RABGAP1L: variants seen among roughly 807,000 people sequenced by gnomAD.
The protein encoded by RABGAP1L is rab GTPase-activating protein 1-like.
A neutral mutation model predicts 137.7 loss-of-function variants in RABGAP1L; 63 were observed. That is an observed-to-expected ratio of 0.46 (90% CI 0.37 to 0.56). RABGAP1L has a LOEUF of 0.56. Among genes scored for constraint, RABGAP1L ranks in the 20% least tolerant of loss-of-function variants. The pLI is 0.00. For missense variants in RABGAP1L, 1,095 were observed against 1,244.0 expected (o/e 0.88, Z 1.80); for synonymous variants, 431 against 433.7 (o/e 0.99, Z 0.08).
rs1553324953 is a variant in RABGAP1L at position 174,534,802 on chromosome 1, A to AAAAAAAAAAT, written c.1711-102571_1711-102570insAAAAAAATAA. Among the ~76,000 whole-genome samples, 20 of 137,308 alleles carry AAAAAAAAAAT rather than the reference A, an allele frequency of 1.5e-4. 1 individual carries two copies. The highest frequency in any genetic ancestry group is 4.5e-4 in the South Asian group (2 of 4,446). The allele number at this position is 137,308 out of a possible 152,430, so 90.1% of individuals were successfully genotyped here. ...AAAAAAAAAAAAAAAAAAAAAAAAAAAATAATTAGAATAGTATGCCAGTAT... is the reference window on the plus strand; with the variant it reads ...AAAAAAAAAAAAAAAAAAAAAAAAAAAAAAAAAAATAATAATTAGAATAGTATGCCAGTAT... On this transcript the variant is annotated intron_variant, in intron 13 of 25. Coordinates refer to ENST00000681986, the MANE Select transcript of RABGAP1L (RefSeq NM_001366446.1).
chr1:174,876,943 C>T (rs1653212389), intron 19 of RABGAP1L, among the ~76,000 whole-genome samples: 1 of 151,300 alleles, frequency 6.6e-6, no homozygotes, highest in Admixed American at 6.6e-5. Context: ...TCTTTAAATT[C>T]TGAGAAATTA....
At chr1:174,350,189 A>ACC (rs1156878544) in intron 11 of RABGAP1L, among the ~76,000 whole-genome samples, 21 of 68,520 alleles carry the variant, frequency 3.1e-4, no homozygotes, top group Non-Finnish European at 5.6e-4. Context: ...CGGGGGGCTG[A>ACC]CCCCCCCCCC....
rs1160659289 is a variant in RABGAP1L at position 174,886,231 on chromosome 1, C to T, written c.2341-71226C>T. ...TTCTCCCTGTTGGTCAGGCTGGTCT[C>T]GACCTCCCGATCTTAGGTGGTCTTC... is the stretch of plus-strand genomic sequence containing the variant. On this transcript the variant is annotated intron_variant, in intron 19 of 25. Transcript: ENST00000681986. Among the ~76,000 whole-genome samples, 6 of 152,042 alleles carry T rather than the reference C, an allele frequency of 3.9e-5. No homozygotes were observed. The South Asian group carries it at 6.3e-4, about 16-fold the overall frequency.
At chr1:174,245,709 C>T (rs1409923345) in intron 5 of RABGAP1L, 3 of 151,722 alleles carry the variant, frequency 2.0e-5, no homozygotes, top group African/African-American at 7.3e-5. Flanking sequence ...GATCTCGGCT[C>T]ACTATGATCT....
chr1:174,256,649 C>T lies in RABGAP1L; in HGVS notation c.986+4059C>T, dbSNP rs546056582. 5.9e-5 allele frequency among the ~76,000 whole-genome samples: 9 copies of T among 152,150 alleles called. No homozygotes were observed. In the East Asian group the frequency reaches 1.2e-3, roughly 20 times the overall value. On this transcript the variant is annotated intron_variant, in intron 7 of 25. Transcript: ENST00000681986. ...TATAAAAATTAGCTGGGCGTGGTGG[C>T]GGGTGCCAGTGGTCCCAGCTACTTG...
intron 11 of RABGAP1L, among the ~76,000 whole-genome samples, chr1:174,336,897 GAA>G (rs1491176100): frequency 1.5e-4 from 19 of 124,742 alleles, no homozygotes; most frequent in East Asian, 4.6e-4. Context: ...GAGAGAGAGA[GAA>G]AGAGAGAGAA....
intron 19 of RABGAP1L, among the ~76,000 whole-genome samples, chr1:174,891,701 C>T (rs1347174634): frequency 1.3e-5 from 2 of 152,022 alleles, no homozygotes; most frequent in African/African-American, 2.4e-5. Flanking sequence ...GATAGGGTCT[C>T]GCTATGTTGC....
chr1:174,393,257 G>T (rs1647378867), intron 12 of RABGAP1L, among the ~76,000 whole-genome samples: 1 of 152,162 alleles, frequency 6.6e-6, no homozygotes, highest in South Asian at 2.1e-4. Context: ...ACTTGCTGTT[G>T]TAACAAGTCA....
chr1:174,816,541 T>G (rs539867924), intron 19 of RABGAP1L, among the ~76,000 whole-genome samples: 1 of 152,232 alleles, frequency 6.6e-6, no homozygotes, highest in East Asian at 1.9e-4. Context: ...TCAATACCAT[T>G]TATATTGTAT....
chr1:174,682,126 T>C (rs914090318), intron 14 of RABGAP1L, among the ~76,000 whole-genome samples: 9 of 151,844 alleles, frequency 5.9e-5, no homozygotes, highest in African/African-American at 2.2e-4. Context: ...ACTAAAACTA[T>C]GAAAATTAGC....
At chr1:174,727,733 T>C (rs939433815) in intron 17 of RABGAP1L, among the ~76,000 whole-genome samples, 4 of 152,236 alleles carry the variant, frequency 2.6e-5, no homozygotes, top group African/African-American at 9.6e-5. Context: ...ATATGCTGAT[T>C]AGCCTGATTT....
intron 15 of RABGAP1L, among the ~76,000 whole-genome samples, chr1:174,686,807 A>G (rs950550857): frequency 2.0e-5 from 3 of 151,332 alleles, no homozygotes; most frequent in Non-Finnish European, 2.9e-5. Context: ...AGGCACACGT[A>G]TCACCATGCC....
chr1:174,843,666 T>G (rs1358080460), intron 19 of RABGAP1L, among the ~76,000 whole-genome samples: 1 of 72,692 alleles, frequency 1.4e-5, no homozygotes, highest in Non-Finnish European at 2.6e-5. Flanking sequence ...TTTGCTATTG[T>G]GAATAATGCC....
At chr1:174,552,854 C>T (rs1013538729) in intron 13 of RABGAP1L, among the ~76,000 whole-genome samples, 2 of 152,256 alleles carry the variant, frequency 1.3e-5, no homozygotes, top group East Asian at 1.9e-4. Flanking sequence ...AGTGTATAAG[C>T]GTTCGTTTGT....
intron 19 of RABGAP1L, among the ~76,000 whole-genome samples, chr1:174,864,115 A>G (rs1650791775): frequency 6.6e-6 from 1 of 152,240 alleles, no homozygotes. Flanking sequence ...AGTCGTTGCT[A>G]TTACCTATAC....
At chr1:174,422,616 T>C (rs1651451837) in intron 13 of RABGAP1L, among the ~76,000 whole-genome samples, 2 of 152,108 alleles carry the variant, frequency 1.3e-5, no homozygotes, top group South Asian at 4.1e-4. Context: ...TAATCTTAAA[T>C]CAGTCAGGTA....
chr1:174,964,248 T>C (rs1276262909), intron 20 of RABGAP1L, among the ~76,000 whole-genome samples: 1 of 152,192 alleles, frequency 6.6e-6, no homozygotes, highest in Non-Finnish European at 1.5e-5. Context: ...GAAAACATTT[T>C]CTCCTGACCC....
intron 15 of RABGAP1L, among the ~76,000 whole-genome samples, chr1:174,695,471 G>A (rs1303398173): frequency 1.3e-5 from 2 of 151,998 alleles, no homozygotes; most frequent in African/African-American, 4.8e-5. Context: ...TATTATTTCA[G>A]TCTTTTTGTT....
At chr1:174,562,499 T>C (rs1667287871) in intron 13 of RABGAP1L, among the ~76,000 whole-genome samples, 1 of 152,182 alleles carries the variant, frequency 6.6e-6, no homozygotes, top group African/African-American at 2.4e-5. Context: ...GCAATCCCAT[T>C]ACTCAGTATA....
Sources: allele counts gnomAD v4.1 joint callset (sites outside exome capture counted in the v4.1 genomes callset), GRCh38; gene constraint gnomAD v4.1.1; transcripts MANE v1.5; gene names NCBI Gene and HGNC (gene_info 2026-07-23, HGNC 2026-07-21).